The following CANX variants were observed in gnomAD, a reference collection of about 807,000 sequenced individuals.
CANX encodes the protein calnexin, also known as epididymis secretory sperm binding protein.
In CANX, 14 loss-of-function variants were observed where a neutral mutation model predicts 75.7. That is an observed-to-expected ratio of 0.19 (90% CI 0.12 to 0.29). The LOEUF is 0.29. Among genes scored for constraint, CANX ranks in the 10% least tolerant of loss-of-function variants. The pLI, the probability that CANX is intolerant of heterozygous loss-of-function variation, is 1.00. For missense variants in CANX, 567 were observed against 713.2 expected, an observed-to-expected ratio of 0.79 and a Z score of 2.34; for synonymous variants, 227 against 236.9, an observed-to-expected ratio of 0.96 and a Z score of 0.38.
intron 7 of CANX, among the ~76,000 whole-genome samples, chr5:179,712,104 C>CA (rs11449782): frequency 0.93 from 129,702 of 138,888 alleles, 61,208 homozygotes; most frequent in East Asian, 1. Flanking sequence ...TCCCCCACTC[C>CA]AAAAAAAAAG....
In CANX at chr5:179,724,705, G is replaced by A; in HGVS notation, c.1567G>A (p.Asp523Asn). Residue 523 changes from aspartate (D) to asparagine (N), a missense_variant, in exon 13 of 15, where the codon GAT becomes AAT. By Grantham distance (23) the Asp-to-Asn change is conservative. This residue lies in a region of CANX where 167 missense variants were observed against 179.3 expected (regional missense o/e 0.93). Transcript: ENST00000247461. ...EYKKTDAPQP[D>N]VKEEEEEKEE... is the part of the protein sequence containing the mutation. ...TAAGAAAACTGATGCACCTCAACCG[G>A]ATGTGAAGGAAGAGGAAGAAGAGAA... 3 of 1,612,788 alleles carry A rather than the reference G, an allele frequency of 1.9e-6. No homozygotes were observed. In the South Asian group the frequency reaches 3.3e-5, roughly 18 times the overall value.
At chr5:179,698,792 C>T (rs1373918525), upstream of CANX, 4 of 668,820 alleles carry the variant, frequency 6.0e-6, no homozygotes, top group Non-Finnish European at 2.2e-6. Flanking sequence ...TCTTCACACT[C>T]CACGAAGAAT....
At chr5:179,715,680 CGTA>C (rs1285540929) in intron 7 of CANX, among the ~76,000 whole-genome samples, 2 of 152,046 alleles carry the variant, frequency 1.3e-5, no homozygotes, top group Non-Finnish European at 2.9e-5. Flanking sequence ...ATTTCAGTAA[CGTA>C]ATAATACCAG....
In CANX at chr5:179,707,150, C is replaced by T. The variant is rs1433053442; in HGVS notation, c.264C>T (p.Ala88=). ...TTTACAGGTGGATTTTATCCAAAGC[C>T]AAGAAAGACGATACCGATGATGAAA... ...GTLSGWILSK[A]KKDDTDDEIA... is the part of the protein sequence containing the mutation. Residue 88 remains alanine (A), a synonymous_variant, in exon 4 of 15, where the codon GCC becomes GCT. Transcript: ENST00000247461. The T allele has an allele frequency of 1.2e-6, 2 of 1,600,640 alleles. No homozygotes were observed. The highest frequency in any genetic ancestry group is 1.7e-6 in the Non-Finnish European group (2 of 1,168,000).
intron 1 of CANX, among the ~76,000 whole-genome samples, chr5:179,684,926 ATTTTTTTTTTTTTTTT>A (rs71001039): frequency 9.2e-4 from 45 of 49,150 alleles, no homozygotes; most frequent in African/African-American, 3.2e-3. Flanking sequence ...CTAATTTTGT[ATTTTTTTTTTTTTTTT>A]TTTTTTTTTT....
At chr5:179,713,511 A>G (rs1287961814) in intron 7 of CANX, among the ~76,000 whole-genome samples, 3 of 152,262 alleles carry the variant, frequency 2.0e-5, no homozygotes, top group Non-Finnish European at 4.4e-5. Context: ...GAAATAAGGT[A>G]GAAGGAATAA....
chr5:179,721,182 A>C (rs566394398), intron 10 of CANX, among the ~76,000 whole-genome samples: 1 of 151,964 alleles, frequency 6.6e-6, no homozygotes, highest in South Asian at 2.1e-4. Flanking sequence ...GGTTCAAGCA[A>C]TTCTCCTGAC....
intron 14 of CANX, among the ~76,000 whole-genome samples, chr5:179,727,405 G>A (rs1260357347): frequency 6.6e-6 from 1 of 152,226 alleles, no homozygotes; most frequent in African/African-American, 2.4e-5. Context: ...CTCGAAAGAT[G>A]ACATCGAACC....
At chr5:179,700,358 A>G (rs556783339) in intron 1 of CANX, 1 of 152,262 alleles carries the variant, frequency 6.6e-6, no homozygotes, top group East Asian at 1.9e-4. Context: ...AATTTTATTG[A>G]TCTTTAAAAT....
upstream of CANX, chr5:179,694,250 C>A (rs1226774506): frequency 5.5e-5 from 22 of 401,058 alleles, no homozygotes; most frequent in Admixed American, 6.3e-4. Flanking sequence ...CTTATGTCTT[C>A]TTTGTGCAGA....
At chr5:179,726,858 T>G (rs529797980) in intron 14 of CANX, 99 bp downstream of exon 14, 2 of 859,328 alleles carry the variant, frequency 2.3e-6, no homozygotes, top group East Asian at 5.0e-5. Context: ...CTTATGGCAG[T>G]AAAAATTCTG....
upstream of CANX, among the ~76,000 whole-genome samples, chr5:179,693,790 C>T (rs981424863): frequency 1.3e-5 from 2 of 151,804 alleles, no homozygotes; most frequent in African/African-American, 4.8e-5. Flanking sequence ...CTGCAGTGAG[C>T]CATGATTGTG....
At chr5:179,708,631 A>G (rs938592635) in intron 5 of CANX, among the ~76,000 whole-genome samples, 4 of 152,008 alleles carry the variant, frequency 2.6e-5, no homozygotes, top group African/African-American at 9.7e-5. Context: ...GGAAATCTGC[A>G]TTAATAGTTT....
rs1233048370 is a variant in CANX, at chr5:179,722,964, A to C, written c.1343A>C (p.Asp448Ala). The C allele has an allele frequency of 6.2e-7, 1 of 1,614,108 alleles. No homozygotes were observed. Among genetic ancestry groups the C allele is most frequent in the African/African-American group, 1.3e-5 (1 of 75,014 alleles). Residue 448 changes from aspartate (D) to alanine (A), a missense_variant, in exon 11 of 15, where the codon GAT becomes GCT. Physicochemically the swap from Asp to Ala is moderately radical, Grantham distance 126. Around this residue, in one of 3 missense-constraint regions of CANX, gnomAD observed 167 missense variants for 179.3 expected, o/e 0.93. Coordinates refer to ENST00000247461, the MANE Select transcript of CANX (RefSeq NM_001746.4). ...FIICADRRIV[D>A]DWANDGWGLK... Reference sequence around the variant, plus strand: ...ATTTGTGCTGATCGAAGAATAGTTGATGATTGGGCCAATGATGGATGGGGC... The same window carrying C: ...ATTTGTGCTGATCGAAGAATAGTTGCTGATTGGGCCAATGATGGATGGGGC...
rs1469802217 is a variant in CANX at position 179,719,559 on chromosome 5, A to C, written c.912-109A>C. 9.5e-6 allele frequency: 5 copies of C among 528,200 alleles called. 1 individual carries two copies. In the Middle Eastern group the frequency reaches 1.1e-3, roughly 121 times the overall value. The allele number at this position is 528,200 out of a possible 1,614,324, so 32.7% of individuals were successfully genotyped here. ...GTATTTTCTAAGAGGAATTATTTTA[A>C]ATTTTGAGATTAAAAACAAATTTTT... is the stretch of plus-strand genomic sequence containing the variant. On this transcript the variant is annotated intron_variant, in intron 8 of 14. Coordinates refer to ENST00000247461, the MANE Select transcript of CANX (RefSeq NM_001746.4).
At chr5:179,704,230 TAGAAA>T (rs1776971057) in intron 1 of CANX, 1 of 152,042 alleles carries the variant, frequency 6.6e-6, no homozygotes, top group Admixed American at 6.6e-5. Flanking sequence ...CTTACGTGGT[TAGAAA>T]AGAAGAGATA....
At chr5:179,710,707 C>CAAAAAAAAAAAAAAAAAAAAAAAAAAAAA (rs71591440) in intron 7 of CANX, among the ~76,000 whole-genome samples, 8 of 27,360 alleles carry the variant, frequency 2.9e-4, no homozygotes, top group East Asian at 1.3e-3. Context: ...GACTCCATCT[C>CAAAAAAAAAAAAAAAAAAAAAAAAAAAAA]AAAAAAAAAA....
rs142417524 is a variant in CANX at position 179,704,972 on chromosome 5, A to G, written c.-3-707A>G. Among the ~76,000 whole-genome samples, 797 of 152,214 alleles carry G rather than the reference A, an allele frequency of 5.2e-3. 7 individuals are homozygous for G. The highest frequency in any genetic ancestry group is 0.018 in the African/African-American group (762 of 41,520). On this transcript the variant is annotated intron_variant, in intron 1 of 14. Coordinates refer to ENST00000247461, the MANE Select transcript of CANX (RefSeq NM_001746.4). ...GCAACCGTATCCATATTAAGCCTTA[A>G]TATGAGAGGAATTATCTTCTGTGTT...
intron 10 of CANX, among the ~76,000 whole-genome samples, chr5:179,721,660 G>A (rs560834574): frequency 6.6e-4 from 101 of 152,272 alleles, no homozygotes; most frequent in African/African-American, 2.3e-3. Context: ...CAAGTAGTAA[G>A]GTTGTGAGGC....
Sources: gnomAD v4.1 joint callset for allele counts (sites outside exome capture counted in the v4.1 genomes callset) on GRCh38, gnomAD v4.1.1 for gene constraint, gnomAD v4.1.1 regional missense constraint, MANE v1.5 for transcripts, NCBI Gene and HGNC (gene_info 2026-07-23, HGNC 2026-07-21) for gene names.